Variants in IQSEC1 observed in about 807,000 individuals in gnomAD.
IQSEC1 encodes IQ motif and SEC7 domain-containing protein 1.
IQSEC1 carries 31 observed loss-of-function variants against 91.0 expected under a neutral mutation model. The ratio of observed to expected loss-of-function variants is 0.34; its 90% CI spans 0.26 to 0.46. The LOEUF (loss-of-function observed/expected upper bound fraction) is 0.46, where lower values mean the gene tolerates loss of function less well. Ranked by LOEUF, IQSEC1 falls within the 20% of genes least tolerant of loss-of-function variation. The pLI, the probability that IQSEC1 is intolerant of heterozygous loss-of-function variation, is 1.00. For missense variants in IQSEC1, 1,388 were observed against 1,575.6 expected (o/e 0.88, Z 2.02); for synonymous variants, 699 against 662.6 (o/e 1.05, Z -0.84).
intron 1 of IQSEC1, among the ~76,000 whole-genome samples, chr3:13,039,481 A>C (rs1576202165): frequency 6.6e-6 from 1 of 152,214 alleles, no homozygotes; most frequent in East Asian, 1.9e-4. Context: ...ACAACGGAAT[A>C]TGGCATCAGG....
chr3:12,991,607 A>T (rs1371263289), intron 1 of IQSEC1, among the ~76,000 whole-genome samples: 1 of 152,012 alleles, frequency 6.6e-6, no homozygotes, highest in East Asian at 1.9e-4. Flanking sequence ...CCAGATTCAG[A>T]CTCCCTGACC....
At chr3:13,198,501 C>T (rs1694176764) in intron 1 of IQSEC1, among the ~76,000 whole-genome samples, 1 of 152,000 alleles carries the variant, frequency 6.6e-6, no homozygotes, top group Non-Finnish European at 1.5e-5. Flanking sequence ...CAGCTCAGCT[C>T]CTAGGCGGTG....
chr3:13,025,862 G>A (rs1462841891), intron 1 of IQSEC1, among the ~76,000 whole-genome samples: 2 of 152,186 alleles, frequency 1.3e-5, no homozygotes, highest in Admixed American at 6.5e-5. Context: ...AAGGCCCTTT[G>A]CCATCTTCTC....
intron 1 of IQSEC1, among the ~76,000 whole-genome samples, chr3:13,071,318 C>G (rs2125112660): frequency 6.6e-6 from 1 of 152,258 alleles, no homozygotes; most frequent in Non-Finnish European, 1.5e-5. Flanking sequence ...CCTGCCCAGA[C>G]AAGGCCTTTG....
rs1693809571 is a variant in IQSEC1, at chr3:12,897,910, G to GAA, written c.*3072_*3073insTT. 1 of 152,300 alleles carries GAA rather than the reference G, an allele frequency of 6.6e-6. No individual in the cohort carries two copies. The highest frequency in any genetic ancestry group is 1.9e-4 in the East Asian group (1 of 5,194). The allele number at this position is 152,300 out of a possible 1,614,324, so 9.4% of individuals were successfully genotyped here. A position where few individuals can be genotyped will look rare whatever the true frequency, so the allele number is the denominator to read the frequency against. The stretch of plus-strand genomic sequence containing the variant: ...TTAGGATGAACTTTATTTTTACATT[G>GAA]TTGTACAATTCATTGGTAAACTTAA... On this transcript the variant is annotated 3_prime_UTR_variant, in exon 14 of 14. Transcript: ENST00000613206.
Position 13,274,635 on chromosome 3 carries a change from C to T in IQSEC1, c.272+8076G>A, listed in dbSNP as rs545178876. Among the ~76,000 whole-genome samples, 10 of 152,352 alleles carry T rather than the reference C, an allele frequency of 6.6e-5. No individual in the cohort carries two copies. In the South Asian group the frequency reaches 1.0e-3, roughly 16 times the overall value. ...CAAGTGTGTCCTGCATGAATGAAGA[C>T]GTGAACAGCAACTTTCTGGGAGCTC... On this transcript the variant is annotated intron_variant, in intron 1 of 15. Coordinates refer to the IQSEC1 transcript ENST00000648114.
At chr3:13,235,349 A>T (rs1318610507) in intron 1 of IQSEC1, among the ~76,000 whole-genome samples, 1 of 152,116 alleles carries the variant, frequency 6.6e-6, no homozygotes, top group Non-Finnish European at 1.5e-5. Flanking sequence ...GGCAGTTACC[A>T]ATCAATCCCA....
rs1261432398 is a variant in IQSEC1, at chr3:12,994,649, G to C, written c.24-52784C>G. Among the ~76,000 whole-genome samples, 2 of 152,374 alleles carry C rather than the reference G, an allele frequency of 1.3e-5. No homozygotes were observed. Among genetic ancestry groups the C allele is most frequent in the East Asian group, 3.9e-4 (2 of 5,184 alleles). On this transcript the variant is annotated intron_variant, in intron 1 of 13. Transcript: ENST00000613206. The surrounding 1 kb of genome is among the most constrained non-coding windows in gnomAD (Gnocchi z 4.5). ...CCCCCGCCGCCGTCCCCAGTTCGCAGATGGGAACACTGAGGCCCACAGCAG... is the reference window on the plus strand; with the variant it reads ...CCCCCGCCGCCGTCCCCAGTTCGCACATGGGAACACTGAGGCCCACAGCAG...
Position 13,279,307 on chromosome 3 carries a change from T to C in IQSEC1, c.272+3404A>G, listed in dbSNP as rs563500571. ...TCACTAGCATGTAGCCAACCAGACATTGGATATGAATTCTGATGTCAGGGT... is the reference window on the plus strand; with the variant it reads ...TCACTAGCATGTAGCCAACCAGACACTGGATATGAATTCTGATGTCAGGGT... On this transcript the variant is annotated intron_variant, in intron 1 of 15. Coordinates refer to the IQSEC1 transcript ENST00000648114. Among the ~76,000 whole-genome samples the C allele has an allele frequency of 2.1e-4, 32 of 152,304 alleles. No homozygotes were observed. In the South Asian group the frequency reaches 4.6e-3, roughly 22 times the overall value.
intron 2 of IQSEC1, among the ~76,000 whole-genome samples, chr3:13,138,867 C>T (rs1469338477): frequency 6.6e-6 from 1 of 151,868 alleles, no homozygotes; most frequent in Non-Finnish European, 1.5e-5. Context: ...TTGCCCCTGC[C>T]CCAGATACCT....
At chr3:13,082,101 C>T (rs546676340) in intron 2 of IQSEC1, among the ~76,000 whole-genome samples, 1 of 152,132 alleles carries the variant, frequency 6.6e-6, no homozygotes, top group East Asian at 1.9e-4. Flanking sequence ...AGGGCAGCAG[C>T]GTGTGGTCAT....
At chr3:13,022,800 C>G (rs115060463) in intron 1 of IQSEC1, among the ~76,000 whole-genome samples, 3,191 of 152,342 alleles carry the variant, frequency 0.021, 91 homozygotes, top group African/African-American at 0.071. Context: ...AAAATCAGGG[C>G]TGCTCCTCTG....
intron 1 of IQSEC1, among the ~76,000 whole-genome samples, chr3:13,041,532 C>T (rs1487369900): frequency 6.6e-6 from 1 of 152,208 alleles, no homozygotes; most frequent in Non-Finnish European, 1.5e-5. Flanking sequence ...ACAATTCCCT[C>T]CTCCAGGTCT....
intron 1 of IQSEC1, among the ~76,000 whole-genome samples, chr3:13,179,718 C>T (rs550839184): frequency 1.3e-5 from 2 of 152,380 alleles, no homozygotes; most frequent in South Asian, 2.1e-4. Flanking sequence ...TGGCCAAGGC[C>T]GGAGCCGGCT....
At chr3:13,011,736 G>A (rs1008065215) in intron 1 of IQSEC1, among the ~76,000 whole-genome samples, 1 of 152,192 alleles carries the variant, frequency 6.6e-6, no homozygotes, top group Non-Finnish European at 1.5e-5. Context: ...TGTTCTGTAG[G>A]CATCGGGTTT....
At chr3:13,140,981 G>A (rs1706791201) in intron 2 of IQSEC1, among the ~76,000 whole-genome samples, 1 of 152,218 alleles carries the variant, frequency 6.6e-6, no homozygotes, top group Non-Finnish European at 1.5e-5. Flanking sequence ...GGCAACAAGG[G>A]GCAGGGCTGC....
chr3:12,969,592 C>G (rs1451459803), intron 1 of IQSEC1, among the ~76,000 whole-genome samples: 1 of 152,194 alleles, frequency 6.6e-6, no homozygotes, highest in Non-Finnish European at 1.5e-5. Flanking sequence ...ACTCCCACCC[C>G]TGTCTGAAGT....
At chr3:12,984,998 G>C (rs897036817) in intron 1 of IQSEC1, among the ~76,000 whole-genome samples, 4 of 151,540 alleles carry the variant, frequency 2.6e-5, no homozygotes, top group African/African-American at 7.3e-5. Flanking sequence ...CTAATTTTTT[G>C]TATTTTTAGT....
chr3:13,020,428 C>T (rs1365946044), intron 1 of IQSEC1, among the ~76,000 whole-genome samples: 1 of 152,166 alleles, frequency 6.6e-6, no homozygotes, highest in Non-Finnish European at 1.5e-5. Flanking sequence ...AGGCTGAGGC[C>T]CAGGGCCCCA....
Sources: gnomAD v4.1 joint callset for allele counts (sites outside exome capture counted in the v4.1 genomes callset) on GRCh38, gnomAD v4.1.1 for gene constraint, Gnocchi (gnomAD v3.1) non-coding constraint, MANE v1.5 for transcripts, NCBI Gene and HGNC (gene_info 2026-07-23, HGNC 2026-07-21) for gene names.